The following IFT172 variants were observed in gnomAD, a reference collection of about 807,000 sequenced individuals.
The protein encoded by IFT172 is intraflagellar transport 172.
Under a neutral mutation model 248.9 loss-of-function variants are expected in IFT172, and 164 were observed. The observed-to-expected ratio is 0.66, with a 90% CI of 0.58 to 0.75. The LOEUF (loss-of-function observed/expected upper bound fraction) is 0.75, where lower values mean the gene tolerates loss of function less well. IFT172 is among the 30% of genes least tolerant of loss of function. The probability of loss-of-function intolerance (pLI) is 0.00; values close to 1 mark genes in which losing one functional copy is unlikely to be tolerated. For missense variants in IFT172, 1,950 were observed against 2,192.4 expected, an observed-to-expected ratio of 0.89 and a Z score of 2.21; for synonymous variants, 729 against 791.6, an observed-to-expected ratio of 0.92 and a Z score of 1.33.
At chr2:27,469,191 C>T (rs1572789194) in intron 16 of IFT172, among the ~76,000 whole-genome samples, 2 of 151,860 alleles carry the variant, frequency 1.3e-5, no homozygotes, top group South Asian at 4.2e-4. Flanking sequence ...GTCAAGAGTT[C>T]GAGACTAGCC....
chr2:27,446,209 C>T (rs781771585), intron 43 of IFT172, 51 bp downstream of exon 43: 13 of 1,569,104 alleles, frequency 8.3e-6, no homozygotes. Flanking sequence ...ATTCTATTTT[C>T]CAACCTTTAA....
Position 27,461,854 on chromosome 2 carries a change from A to C in IFT172, c.2116-18T>G. 1 of 1,614,030 alleles carries C rather than the reference A, an allele frequency of 6.2e-7. No homozygotes were observed. The highest frequency in any genetic ancestry group is 8.5e-7 in the Non-Finnish European group (1 of 1,179,880). ...ACAGCATTCTAGGGGAAACAGGCAGAGCAGAGAGGGACACCAGAAAGATAT... is the reference window on the plus strand; with the variant it reads ...ACAGCATTCTAGGGGAAACAGGCAGCGCAGAGAGGGACACCAGAAAGATAT... On this transcript the variant is annotated intron_variant, in intron 20 of 47. Coordinates refer to ENST00000260570, the MANE Select transcript of IFT172 (RefSeq NM_015662.3).
chr2:27,475,000 A>G (rs908905833), intron 14 of IFT172, among the ~76,000 whole-genome samples: 12 of 152,224 alleles, frequency 7.9e-5, no homozygotes. Flanking sequence ...AAGTCTATAC[A>G]AGCATATGCA....
At chr2:27,472,481 G>A in intron 14 of IFT172, 119 bp from the exon 15 acceptor site, 1 of 739,626 alleles carries the variant, frequency 1.4e-6, no homozygotes, top group South Asian at 1.9e-5. Context: ...AATTGTAGAG[G>A]TTTTGTTTAA....
At chr2:27,488,227 C>T (rs1228368132) in intron 1 of IFT172, among the ~76,000 whole-genome samples, 1 of 152,046 alleles carries the variant, frequency 6.6e-6, no homozygotes, top group African/African-American at 2.4e-5. Context: ...GATCTCGGCT[C>T]ACTGCAACCT....
Position 27,483,338 on chromosome 2 carries a change from C to A in IFT172, c.521G>T (p.Gly174Val), listed in dbSNP as rs781128477. ...ATCAAAGAAATACCTAACGATGGTA[C>A]CATCTGCATGACCAGAGAGAATTCC... is the stretch of plus-strand genomic sequence containing the variant. ...GKGILSGHAD[G>V]TIVRYFFDDE... Residue 174 changes from glycine to valine, a missense_variant, in exon 7 of 48, where the codon GGT becomes GTT. Gly to Val is a moderately radical substitution (Grantham distance 109, BLOSUM62 -3). This residue lies in a region of IFT172 where 1,166 missense variants were observed against 1,254.1 expected (regional missense o/e 0.93). Coordinates refer to ENST00000260570, the MANE Select transcript of IFT172 (RefSeq NM_015662.3). 8.7e-6 allele frequency: 14 copies of A among 1,608,180 alleles called. No homozygotes were observed. The highest frequency in any genetic ancestry group is 1.7e-5 in the Admixed American group (1 of 59,982).
chr2:27,449,380 G>T lies in IFT172; in HGVS notation c.4225C>A (p.Leu1409Met). 6.2e-7 allele frequency: 1 copy of T among 1,614,170 alleles called. No individual in the cohort carries two copies. The highest frequency in any genetic ancestry group is 1.6e-4 in the Middle Eastern group (1 of 6,062). ...FLKNQGKVDS[L>M]VGVDVIAALD... ...GCAGCTATCACATCCACACCCACCAGCTGGGTCAATGGAAGACAGAGTTAC... is the reference window on the plus strand; with the variant it reads ...GCAGCTATCACATCCACACCCACCATCTGGGTCAATGGAAGACAGAGTTAC... Residue 1409 changes from leucine (L) to methionine (M), a missense_variant and splice_region_variant, in exon 39 of 48, where the codon CTG becomes ATG. By Grantham distance (15) the Leu-to-Met change is conservative (BLOSUM62 2). Transcript: ENST00000260570.
chr2:27,457,585 A>G, intron 29 of IFT172, 54 bp downstream of exon 29: 1 of 1,512,298 alleles, frequency 6.6e-7, no homozygotes, highest in South Asian at 1.1e-5. Flanking sequence ...AAAAAAAGGA[A>G]AAACGTGGGA....
chr2:27,454,976 A>C lies in IFT172; in HGVS notation c.3372-316T>G, dbSNP rs943170951. Among the ~76,000 whole-genome samples the C allele has an allele frequency of 2.0e-5, 3 of 152,184 alleles. No homozygotes were observed. The highest frequency in any genetic ancestry group is 4.4e-5 in the Non-Finnish European group (3 of 68,020). ...GAGTGAGCCTCGCAGCCCTACACTG[A>C]CAGGGCTAGGAGGGCTCCTGGTGCT... is the stretch of plus-strand genomic sequence containing the variant. On this transcript the variant is annotated intron_variant, in intron 30 of 47. Coordinates refer to ENST00000260570, the MANE Select transcript of IFT172 (RefSeq NM_015662.3). This position sits in a 1 kb window ranked among gnomAD's most constrained non-coding sequence, Gnocchi z 4.2.
At chr2:27,478,294 T>C in intron 10 of IFT172, 138 bp from the exon 11 acceptor site, 2 of 926,564 alleles carry the variant, frequency 2.2e-6, no homozygotes, top group East Asian at 2.5e-5. Flanking sequence ...ATATTGTTGA[T>C]AGTAATGATA....
rs933347695 is a variant in IFT172 at position 27,461,280 on chromosome 2, G to T, written c.2431C>A (p.Leu811Ile). 1 of 1,613,996 alleles carries T rather than the reference G, an allele frequency of 6.2e-7. No homozygotes were observed. Among genetic ancestry groups the T allele is most frequent in the African/African-American group, 1.3e-5 (1 of 74,922 alleles). ...GGAAGCCAGCATACCCTTTCGTAGA[G>T]TTCCCCCTTGATAAGGGCTGCAGTG... ...HITAALIKGE[L>I]YERAGDLFEK... is the part of the protein sequence containing the mutation. The change falls in exon 22 of 48, where the codon CTC (leucine) becomes ATC (isoleucine). Residue 811 changes from leucine to isoleucine, a missense_variant. Leu to Ile is a conservative substitution (Grantham distance 5, BLOSUM62 2). This residue lies in a region of IFT172 where 1,166 missense variants were observed against 1,254.1 expected (regional missense o/e 0.93). Transcript: ENST00000260570.
intron 30 of IFT172, chr2:27,455,013 C>T: frequency 3.1e-6 from 1 of 326,274 alleles, no homozygotes. Context: ...TCCATCTCTT[C>T]CTGAGCCCCA....
At chr2:27,484,070 G>T in intron 4 of IFT172, 133 bp from the exon 5 acceptor site, 1 of 1,268,880 alleles carries the variant, frequency 7.9e-7, no homozygotes, top group African/African-American at 1.5e-5. Flanking sequence ...CTCTAAGGAA[G>T]ACAGCAGATG....
intron 21 of IFT172, 32 bp from the exon 22 acceptor site, chr2:27,461,549 C>T (rs375145242): frequency 5.2e-4 from 831 of 1,608,164 alleles, no homozygotes; most frequent in Non-Finnish European, 6.8e-4. Flanking sequence ...CTAGGAGTCA[C>T]ATCCCCCTTC....
Position 27,465,791 on chromosome 2 carries a change from C to A in IFT172, c.1784G>T (p.Gly595Val). ...AATGGCTGTTCCAAACTCGATGAGG[C>A]CCTCATCCAATGTGTAGGCAACAGT... ...VTTVAYTLDE[G>V]LIEFGTAIDD... The change falls in exon 17 of 48, where the codon GGC becomes GTC. Residue 595 changes from glycine to valine, a missense_variant. Transcript: ENST00000260570. 1 of 1,614,072 alleles carries A rather than the reference C, an allele frequency of 6.2e-7. No individual in the cohort carries two copies. The highest frequency in any genetic ancestry group is 8.5e-7 in the Non-Finnish European group (1 of 1,179,990).
At chr2:27,488,071 C>T (rs1267419444) in intron 1 of IFT172, among the ~76,000 whole-genome samples, 2 of 152,158 alleles carry the variant, frequency 1.3e-5, no homozygotes, top group African/African-American at 4.8e-5. Flanking sequence ...CAGCCTCGAC[C>T]TCCTGGGCTC....
chr2:27,453,264 CT>C (rs757948835), intron 35 of IFT172, 119 bp downstream of exon 35: 6 of 1,307,578 alleles, frequency 4.6e-6, no homozygotes, highest in Admixed American at 1.7e-5. Flanking sequence ...CCATAGATTC[CT>C]GCTACCTGAT....
chr2:27,458,655 T>G (rs1297247999), intron 26 of IFT172, 124 bp downstream of exon 26: 1 of 1,093,140 alleles, frequency 9.1e-7, no homozygotes, highest in African/African-American at 1.6e-5. Context: ...TGGCTCAGAC[T>G]GTTTTTTGGT....
intron 26 of IFT172, 46 bp from the exon 27 acceptor site, chr2:27,458,269 G>T (rs1446894319): frequency 6.6e-7 from 1 of 1,523,872 alleles, no homozygotes; most frequent in Non-Finnish European, 9.1e-7. Context: ...AATTCCCCAG[G>T]GAAGCAGGGC....
Sources: gnomAD v4.1 joint callset for allele counts (sites outside exome capture counted in the v4.1 genomes callset) on GRCh38, gnomAD v4.1.1 for gene constraint, gnomAD v4.1.1 regional missense constraint, Gnocchi (gnomAD v3.1) non-coding constraint, MANE v1.5 for transcripts, NCBI Gene and HGNC (gene_info 2026-07-23, HGNC 2026-07-21) for gene names.